The following ASZ1 variants were observed in gnomAD, a reference collection of about 807,000 sequenced individuals.
ASZ1 encodes the protein ankyrin repeat, SAM and basic leucine zipper domain containing 1.
A neutral mutation model predicts 61.8 loss-of-function variants in ASZ1; 67 were observed. The ratio of observed to expected loss-of-function variants is 1.08; its 90% CI spans 0.89 to 1.33. The LOEUF (loss-of-function observed/expected upper bound fraction) is 1.33, where lower values mean the gene tolerates loss of function less well. Among genes scored for constraint, ASZ1 ranks in the 40% most tolerant of loss-of-function variants. The pLI, the probability that ASZ1 is intolerant of heterozygous loss-of-function variation, is 0.00. For synonymous variants in ASZ1, 193 were observed against 192.7 expected, an observed-to-expected ratio of 1.00 and a Z score of -0.01; for missense variants, 577 against 554.5, an observed-to-expected ratio of 1.04 and a Z score of -0.41.
At chr7:117,399,710 G>T (rs1220338898) in intron 4 of ASZ1, among the ~76,000 whole-genome samples, 3 of 151,942 alleles carry the variant, frequency 2.0e-5, no homozygotes, top group African/African-American at 7.3e-5. Flanking sequence ...GGAGGTTTGG[G>T]TGGGAATCAA....
In ASZ1 at chr7:117,401,032, T is replaced by C. The variant is rs545082894; in HGVS notation, c.441-15223A>G. Among the ~76,000 whole-genome samples the C allele has an allele frequency of 4.3e-4, 66 of 152,268 alleles. No individual in the cohort carries two copies. The South Asian group carries it at 0.012, about 28-fold the overall frequency. On this transcript the variant is annotated intron_variant, in intron 4 of 12. Coordinates refer to ENST00000284629, the MANE Select transcript of ASZ1 (RefSeq NM_130768.3). ...ACCAAAAGCTACCAGGCATCGTAAA[T>C]TGTAGAACTAAGAAACAAGATTAAT...
Position 117,379,959 on chromosome 7 carries a change from T to A in ASZ1, c.1034A>T (p.Glu345Val). 6.2e-7 allele frequency: 1 copy of A among 1,600,524 alleles called. No homozygotes were observed. The highest frequency in any genetic ancestry group is 8.5e-7 in the Non-Finnish European group (1 of 1,170,434). ...TTACCTGATTTCCAACTTTGTCTCT[T>A]CAGATAGCTCTCCAAATTGTATCTC... The part of the protein sequence containing the change: ...VEEIQFGELS[E>V]ETKLEISGDE... The change falls in exon 10 of 13, where the codon GAA (glutamate) becomes GTA (valine). Residue 345 changes from glutamate to valine, a missense_variant. Transcript: ENST00000284629.
chr7:117,425,784 T>C (rs781440009), intron 2 of ASZ1, among the ~76,000 whole-genome samples: 1 of 151,638 alleles, frequency 6.6e-6, no homozygotes, highest in Non-Finnish European at 1.5e-5. Flanking sequence ...AGGTCAGTAG[T>C]TCAAGACCAG....
At chr7:117,412,452 A>G (rs1442663099) in intron 4 of ASZ1, among the ~76,000 whole-genome samples, 1 of 151,956 alleles carries the variant, frequency 6.6e-6, no homozygotes, top group Non-Finnish European at 1.5e-5. Context: ...TTACTATTGT[A>G]AGCCAAAATT....
chr7:117,419,736 GA>G (rs1236167402), intron 4 of ASZ1, among the ~76,000 whole-genome samples: 1 of 152,126 alleles, frequency 6.6e-6, no homozygotes, highest in African/African-American at 2.4e-5. Flanking sequence ...GTTAATTCGT[GA>G]AGTCTTAAGA....
rs528750810 is a variant in ASZ1, at chr7:117,370,142, A to G, written c.1056-1425T>C. Among the ~76,000 whole-genome samples the G allele has an allele frequency of 2.0e-5, 3 of 152,278 alleles. No homozygotes were observed. In the East Asian group the frequency reaches 5.8e-4, roughly 29 times the overall value. The stretch of plus-strand genomic sequence containing the variant: ...CTAAAGACTCATGAAGATAGATACA[A>G]TTCAGAGTCGGTGAACCTCAATGGG... On this transcript the variant is annotated intron_variant, in intron 10 of 12. Transcript: ENST00000284629.
chr7:117,383,994 A>C (rs181887666), intron 6 of ASZ1, among the ~76,000 whole-genome samples: 2 of 152,184 alleles, frequency 1.3e-5, no homozygotes, highest in East Asian at 3.9e-4. Context: ...ATATGCAGTA[A>C]AAGTGGCTTG....
intron 1 of ASZ1, 117 bp from the exon 2 acceptor site, chr7:117,427,052 T>A: frequency 1.8e-6 from 2 of 1,102,590 alleles, no homozygotes; most frequent in Non-Finnish European, 2.5e-6. Flanking sequence ...TTATTTTGAC[T>A]AAGATACAAA....
At position 117,414,591 on chromosome 7, in the gene ASZ1, G is replaced by A. The variant is rs535303945; in HGVS notation, c.440+5572C>T. Among the ~76,000 whole-genome samples the A allele has an allele frequency of 3.9e-5, 6 of 152,094 alleles. No individual in the cohort carries two copies. In the South Asian group the frequency reaches 8.3e-4, roughly 21 times the overall value. On this transcript the variant is annotated intron_variant, in intron 4 of 12. Transcript: ENST00000284629. ...TGGTGGTTTGTGCACCCATAAACCC[G>A]TCACCTACATTAAGTATTTCTCCTA...
At chr7:117,368,224 G>C (rs750457745) in intron 11 of ASZ1, 1 of 963,326 alleles carries the variant, frequency 1.0e-6, no homozygotes, top group Admixed American at 6.1e-5. Flanking sequence ...ACTATGCCCA[G>C]CCACTTACAC....
At chr7:117,376,882 G>T (rs1584719935) in intron 10 of ASZ1, among the ~76,000 whole-genome samples, 4 of 152,146 alleles carry the variant, frequency 2.6e-5, no homozygotes, top group African/African-American at 9.6e-5. Context: ...AAGAAGGCAA[G>T]AATGTCCACT....
In ASZ1 at chr7:117,363,562, G is replaced by A; in HGVS notation, c.*34C>T. ...CAATGATTTTTGGATGGTTCAATAA[G>A]ATGTGTATATATAACTTAAAACAAA... On this transcript the variant is annotated 3_prime_UTR_variant, in exon 13 of 13. Transcript: ENST00000284629. 6.6e-7 allele frequency: 1 copy of A among 1,507,336 alleles called. No individual in the cohort carries two copies. Among genetic ancestry groups the A allele is most frequent in the East Asian group, 2.4e-5 (1 of 42,422 alleles). The allele number at this position is 1,507,336 out of a possible 1,614,324, so 93.4% of individuals were successfully genotyped here.
chr7:117,390,924 G>C (rs1364910926), intron 4 of ASZ1, among the ~76,000 whole-genome samples: 1 of 152,002 alleles, frequency 6.6e-6, no homozygotes, highest in Non-Finnish European at 1.5e-5. Flanking sequence ...GGCTGGTCTT[G>C]ACCTCCTGAC....
At chr7:117,378,556 T>G (rs1410403636) in intron 10 of ASZ1, among the ~76,000 whole-genome samples, 3 of 152,068 alleles carry the variant, frequency 2.0e-5, no homozygotes, top group Non-Finnish European at 4.4e-5. Flanking sequence ...GAGAGCAAAC[T>G]GGATCACTCA....
intron 8 of ASZ1, among the ~76,000 whole-genome samples, chr7:117,381,860 T>G (rs1415795709): frequency 1.3e-5 from 2 of 152,310 alleles, no homozygotes; most frequent in African/African-American, 4.8e-5. Flanking sequence ...AAAAACTGTT[T>G]AATCTCAGAT....
chr7:117,366,566 A>T (rs1356128979), intron 12 of ASZ1, among the ~76,000 whole-genome samples: 1 of 151,908 alleles, frequency 6.6e-6, no homozygotes, highest in African/African-American at 2.4e-5. Context: ...CATCTCCAAC[A>T]AAGGTTCCCA....
At chr7:117,412,642 C>T (rs563147107) in intron 4 of ASZ1, among the ~76,000 whole-genome samples, 4 of 151,830 alleles carry the variant, frequency 2.6e-5, no homozygotes, top group South Asian at 2.1e-4. Context: ...TGTGTTCTGC[C>T]TTATCAATGG....
chr7:117,425,859 C>T (rs1314344781), intron 2 of ASZ1, among the ~76,000 whole-genome samples: 1 of 151,750 alleles, frequency 6.6e-6, no homozygotes, highest in African/African-American at 2.4e-5. Flanking sequence ...GCTTGGTGAC[C>T]GGTGCTTTTA....
chr7:117,423,532 G>A (rs943054650), intron 2 of ASZ1, among the ~76,000 whole-genome samples: 7 of 151,788 alleles, frequency 4.6e-5, no homozygotes, highest in Non-Finnish European at 7.4e-5. Flanking sequence ...AGCAAAGATA[G>A]AAAGGAAAAG....
Sources: allele counts gnomAD v4.1 joint callset (sites outside exome capture counted in the v4.1 genomes callset), GRCh38; gene constraint gnomAD v4.1.1; transcripts MANE v1.5; gene names NCBI Gene and HGNC (gene_info 2026-07-23, HGNC 2026-07-21).